Variants in LAMA5 observed in about 807,000 individuals in gnomAD.
LAMA5 encodes the protein laminin subunit alpha 5, also known as laminin subunit alpha-5.
In LAMA5, 260 loss-of-function variants were observed where a neutral mutation model predicts 433.4. The observed-to-expected ratio is 0.60, with a 90% confidence interval of 0.54 to 0.66. LAMA5 has a LOEUF of 0.66. LAMA5 is among the 30% of genes least tolerant of loss of function. The pLI is 0.00. For missense variants in LAMA5, 5,378 were observed against 5,258.5 expected, an observed-to-expected ratio of 1.02 and a Z score of -0.70; for synonymous variants, 2,620 against 2,226.6, an observed-to-expected ratio of 1.18 and a Z score of -4.97.
chr20:62,363,638 C>T (rs904099114), intron 1 of LAMA5, among the ~76,000 whole-genome samples: 1 of 152,106 alleles, frequency 6.6e-6, no homozygotes, highest in Non-Finnish European at 1.5e-5. Context: ...AAGGCGCCCT[C>T]CCAGGCTTGG....
rs1986519305 is a variant in LAMA5, at chr20:62,313,191, A to G, written c.8852T>C (p.Phe2951Ser). ...TDGSYLDGTGFARISFDSQIS... is the reference protein window; with the variant it reads ...TDGSYLDGTGSARISFDSQIS... ...CTGACTGTCGAAGCTGATGCGGGCGAAGCCGGTGCCGTCCAGGTAGGAGCC... is the reference window on the plus strand; with the variant it reads ...CTGACTGTCGAAGCTGATGCGGGCGGAGCCGGTGCCGTCCAGGTAGGAGCC... The change falls in exon 65 of 80, where the codon TTC becomes TCC. Residue 2951 changes from phenylalanine to serine, a missense_variant. Phe to Ser is a radical substitution (Grantham distance 155, BLOSUM62 -2). Transcript: ENST00000252999. The G allele has an allele frequency of 6.4e-7, 1 of 1,570,440 alleles. No individual in the cohort carries two copies. Among genetic ancestry groups the G allele is most frequent in the Non-Finnish European group, 8.6e-7 (1 of 1,162,608 alleles).
chr20:62,317,319 G>C, intron 55 of LAMA5, 26 bp downstream of exon 55: 1 of 1,586,612 alleles, frequency 6.3e-7, no homozygotes, highest in Non-Finnish European at 8.6e-7. Context: ...GGTGGGCCCA[G>C]GGCCCCTCCT....
chr20:62,358,695 C>T (rs1985605559), intron 2 of LAMA5, among the ~76,000 whole-genome samples: 2 of 152,176 alleles, frequency 1.3e-5, no homozygotes, highest in Admixed American at 1.3e-4. Flanking sequence ...ACAGCATGGC[C>T]AACCCCACAG....
rs772215027 is a variant in LAMA5 at position 62,327,636 on chromosome 20, T to C, written c.4831A>G (p.Ser1611Gly). The part of the protein sequence containing the change: ...NVQGPKCDQC[S>G]LGTFSLDAAN... ...GCATCCAGTGAGAAGGTCCCAAGGC[T>C]GCACTGGTCACATTTGGGGCCCTGC... The change falls in exon 37 of 80, where the codon AGC becomes GGC. Residue 1611 changes from serine (S) to glycine (G), a missense_variant. Physicochemically the swap from Ser to Gly is moderately conservative, Grantham distance 56. Coordinates refer to ENST00000252999, the MANE Select transcript of LAMA5 (RefSeq NM_005560.6). The C allele has an allele frequency of 6.2e-7, 1 of 1,613,190 alleles. No individual in the cohort carries two copies. Among genetic ancestry groups the C allele is most frequent in the South Asian group, 1.1e-5 (1 of 91,080 alleles).
At chr20:62,309,865 G>A in intron 78 of LAMA5, 30 bp from the exon 79 acceptor site, 1 of 1,610,070 alleles carries the variant, frequency 6.2e-7, no homozygotes. Context: ...CTGAGGCCAG[G>A]TGGTCCTCAG....
At chr20:62,358,793 G>A (rs746687196) in intron 2 of LAMA5, among the ~76,000 whole-genome samples, 2 of 152,108 alleles carry the variant, frequency 1.3e-5, no homozygotes, top group Non-Finnish European at 2.9e-5. Context: ...CAAGTGCCTA[G>A]GGAAACTCAC....
intron 21 of LAMA5, 84 bp from the exon 22 acceptor site, chr20:62,334,426 A>G: frequency 1.3e-6 from 2 of 1,515,286 alleles, no homozygotes. Context: ...AGGGAGGGTG[A>G]GGCCTCACGT....
intron 1 of LAMA5, among the ~76,000 whole-genome samples, chr20:62,362,943 A>T (rs1412987158): frequency 6.6e-6 from 1 of 152,106 alleles, no homozygotes; most frequent in Non-Finnish European, 1.5e-5. Flanking sequence ...TCTCACAGTA[A>T]ACCACAAGGT....
At chr20:62,328,086 C>G (rs1338251452) in intron 35 of LAMA5, 76 bp from the exon 36 acceptor site, 24 of 1,582,712 alleles carry the variant, frequency 1.5e-5, no homozygotes, top group African/African-American at 2.7e-5. Flanking sequence ...AGGCACCCCC[C>G]ACCCAGGCAG....
At chr20:62,312,814 T>C in intron 66 of LAMA5, 34 bp from the exon 67 acceptor site, 3 of 1,600,340 alleles carry the variant, frequency 1.9e-6, no homozygotes, top group Non-Finnish European at 2.5e-6. Context: ...GGGCCAGCTG[T>C]GTCCCTGCGG....
rs1205624983 is a variant in LAMA5, at chr20:62,362,440, A to G, written c.410T>C (p.Leu137Pro). 6.3e-7 allele frequency: 1 copy of G among 1,585,414 alleles called. No individual in the cohort carries two copies. Among genetic ancestry groups the G allele is most frequent in the Non-Finnish European group, 8.6e-7 (1 of 1,162,346 alleles). Residue 137 changes from leucine (L) to proline (P), a missense_variant, in exon 2 of 80, where the codon CTG becomes CCG. Physicochemically the swap from Leu to Pro is moderately conservative, Grantham distance 98. Transcript: ENST00000252999. ...GGTGACGTTGACCTCGTTGTACTCCAGGCCGCGGGACAGCGGTGGACTCTG... is the reference window on the plus strand; with the variant it reads ...GGTGACGTTGACCTCGTTGTACTCCGGGCCGCGGGACAGCGGTGGACTCTG... ...WWQSPPLSRGLEYNEVNVTLD... is the reference protein window; with the variant it reads ...WWQSPPLSRGPEYNEVNVTLD...
In LAMA5 at chr20:62,346,091, T is replaced by G; in HGVS notation, c.1407A>C (p.Pro469=). Residue 469 remains proline (P), a synonymous_variant, in exon 10 of 80, where the codon CCA becomes CCC. Coordinates refer to ENST00000252999, the MANE Select transcript of LAMA5 (RefSeq NM_005560.6). The part of the protein sequence containing the change: ...DVCAEGFTGF[P]SCYPTPSSSN... ...CTGGCAGGTGCTCACGGTAGCAGCT[T>G]GGGAAGCCCGTGAAGCCCTCGGCAC... The G allele has an allele frequency of 6.2e-7, 1 of 1,612,908 alleles. No homozygotes were observed. Among genetic ancestry groups the G allele is most frequent in the Non-Finnish European group, 8.5e-7 (1 of 1,179,960 alleles).
chr20:62,316,990 G>C lies in LAMA5; in HGVS notation c.7545C>G (p.Thr2515=), dbSNP rs761255509. The C allele has an allele frequency of 6.4e-7, 1 of 1,552,368 alleles. No individual in the cohort carries two copies. The highest frequency in any genetic ancestry group is 8.7e-7 in the Non-Finnish European group (1 of 1,146,126). The change falls in exon 56 of 80, where the codon ACC becomes ACG. Residue 2515 remains threonine, a synonymous_variant. Transcript: ENST00000252999. ...IILDVNQDRL[T]QRAIEASNAY... Reference sequence around the variant, plus strand: ...CGTTGGAGGCCTCGATGGCCCTCTGGGTGAGGCGGTCCTGGTTGACGTCCA... The same window carrying C: ...CGTTGGAGGCCTCGATGGCCCTCTGCGTGAGGCGGTCCTGGTTGACGTCCA...
At chr20:62,328,033 G>A in intron 35 of LAMA5, 23 bp from the exon 36 acceptor site, 3 of 1,609,948 alleles carry the variant, frequency 1.9e-6, no homozygotes, top group African/African-American at 2.7e-5. Flanking sequence ...CGGGAGCTGA[G>A]CCCCCTCCAC....
rs776963357 is a variant in LAMA5, at chr20:62,346,743, C to T, written c.1130G>A (p.Arg377His). The stretch of plus-strand genomic sequence containing the variant: ...GCCATCCAGGCTCTGGCTGGCGCGG[C>T]GCCGGTCCACCTCAGGGTCGTAGTA... Reference protein sequence around the residue: ...DCYYDPEVDRRRASQSLDGTY... With the variant: ...DCYYDPEVDRHRASQSLDGTY... The change falls in exon 8 of 80, where the codon CGC becomes CAC. Residue 377 changes from arginine (R) to histidine (H), a missense_variant. By Grantham distance (29) the Arg-to-His change is conservative. Coordinates refer to ENST00000252999, the MANE Select transcript of LAMA5 (RefSeq NM_005560.6). 34 of 1,612,984 alleles carry T rather than the reference C, an allele frequency of 2.1e-5. No individual in the cohort carries two copies. Among genetic ancestry groups the T allele is most frequent in the Middle Eastern group, 1.6e-4 (1 of 6,084 alleles).
rs1359449755 is a variant in LAMA5 at position 62,310,043 on chromosome 20, G to C, written c.10773C>G (p.Ser3591=). 6.2e-7 allele frequency: 1 copy of C among 1,611,240 alleles called. No homozygotes were observed. The highest frequency in any genetic ancestry group is 8.5e-7 in the Non-Finnish European group (1 of 1,179,768). ...GCACTGAGGGGCGGGTCACTGACGT[G>C]GAGAACTCCCCTGCTCCGTCATCCG... is the stretch of plus-strand genomic sequence containing the variant. ...LRADDGAGEF[S]TSVTRPSVLC... is the part of the protein sequence containing the mutation. Residue 3591 remains serine, a synonymous_variant, in exon 78 of 80, where the codon TCC becomes TCG. Transcript: ENST00000252999.
At chr20:62,334,423 G>A (rs2146210690) in intron 21 of LAMA5, 81 bp from the exon 22 acceptor site, 1 of 1,516,412 alleles carries the variant, frequency 6.6e-7, no homozygotes, top group Non-Finnish European at 8.9e-7. Context: ...TCCAGGGAGG[G>A]TGAGGCCTCA....
Position 62,322,514 on chromosome 20 carries a change from C to A in LAMA5, c.6166-65G>T, listed in dbSNP as rs71323580. On this transcript the variant is annotated intron_variant, in intron 46 of 79. Coordinates refer to ENST00000252999, the MANE Select transcript of LAMA5 (RefSeq NM_005560.6). ...GACTGTCCCAGACCAACCTGGAAGC[C>A]AGGGGTCCTGCCCATCTGGCCCCAC... 1.3e-6 allele frequency: 2 copies of A among 1,510,140 alleles called. No individual in the cohort carries two copies. Among genetic ancestry groups the A allele is most frequent in the East Asian group, 2.5e-5 (1 of 40,542 alleles). The allele number at this position is 1,510,140 out of a possible 1,614,324, so 93.5% of individuals were successfully genotyped here.
chr20:62,310,388 G>A, intron 76 of LAMA5, 31 bp downstream of exon 76: 1 of 1,578,872 alleles, frequency 6.3e-7, no homozygotes, highest in African/African-American at 1.4e-5. Context: ...GCCCTGCCCT[G>A]CTGAGGCCTG....
Sources: gnomAD v4.1 joint callset for allele counts (sites outside exome capture counted in the v4.1 genomes callset) on GRCh38, gnomAD v4.1.1 for gene constraint, MANE v1.5 for transcripts, NCBI Gene and HGNC (gene_info 2026-07-23, HGNC 2026-07-21) for gene names.